The following TBXAS1 variants were observed in gnomAD, a reference collection of about 807,000 sequenced individuals.
TBXAS1 encodes thromboxane-A synthase.
TBXAS1 carries 48 observed loss-of-function variants against 60.7 expected under a neutral mutation model. That is an observed-to-expected ratio of 0.79 (90% CI 0.63 to 1.01). TBXAS1 has a LOEUF of 1.01. Among genes scored for constraint, TBXAS1 ranks in the 50% least tolerant of loss-of-function variants. The pLI, the probability that TBXAS1 is intolerant of heterozygous loss-of-function variation, is 0.00. For synonymous variants in TBXAS1, 287 were observed against 269.7 expected (o/e 1.06, Z -0.63); for missense variants, 685 against 686.3 (o/e 1.00, Z 0.02).
intron 4 of TBXAS1, among the ~76,000 whole-genome samples, chr7:139,927,160 ATT>A (rs58381325): frequency 2.0e-4 from 26 of 129,602 alleles, no homozygotes; most frequent in African/African-American, 6.1e-4. Flanking sequence ...ACGCCCGGCT[ATT>A]TTTTTTTTTT....
chr7:139,863,699 A>G (rs1569503451), intron 1 of TBXAS1, among the ~76,000 whole-genome samples: 2 of 152,230 alleles, frequency 1.3e-5, no homozygotes, highest in Non-Finnish European at 2.9e-5. Flanking sequence ...ATAACTTAAG[A>G]AGTTAAAAGA....
rs1012818869 is a variant in TBXAS1, at chr7:139,884,587, T to C, written c.236+8950T>C. ...CAGCTTCCTGCTAAACTTCCTGCTGTGGGTGAAGGGCAGCGTTTAAAGAGT... is the reference window on the plus strand; with the variant it reads ...CAGCTTCCTGCTAAACTTCCTGCTGCGGGTGAAGGGCAGCGTTTAAAGAGT... On this transcript the variant is annotated intron_variant, in intron 3 of 12. Coordinates refer to ENST00000448866, the MANE Select transcript of TBXAS1 (RefSeq NM_001061.7). Among the ~76,000 whole-genome samples the C allele has an allele frequency of 2.0e-5, 3 of 152,022 alleles. No homozygotes were observed. The East Asian group carries it at 5.8e-4, about 29-fold the overall frequency.
chr7:139,858,930 G>A (rs542436561), intron 1 of TBXAS1, among the ~76,000 whole-genome samples: 18 of 151,988 alleles, frequency 1.2e-4, no homozygotes, highest in Non-Finnish European at 2.4e-4. Context: ...GTGCAATGGC[G>A]TGATCTTGGC....
intron 4 of TBXAS1, among the ~76,000 whole-genome samples, chr7:139,793,633 G>A (rs1342464234): frequency 1.3e-5 from 2 of 152,172 alleles, no homozygotes; most frequent in African/African-American, 4.8e-5. Context: ...TGCTGAAAGA[G>A]TCAAAGAAAG....
chr7:140,007,539 A>T (rs1814189688), intron 10 of TBXAS1, among the ~76,000 whole-genome samples: 1 of 151,954 alleles, frequency 6.6e-6, no homozygotes, highest in Admixed American at 6.6e-5. Context: ...TTGAGCATCT[A>T]CTCTGTGCCA....
chr7:139,860,811 A>G (rs1164683094), intron 1 of TBXAS1, among the ~76,000 whole-genome samples: 1 of 152,238 alleles, frequency 6.6e-6, no homozygotes, highest in Non-Finnish European at 1.5e-5. Flanking sequence ...TAAATCCCTC[A>G]GCTTGTGGCT....
intron 10 of TBXAS1, among the ~76,000 whole-genome samples, chr7:140,010,398 C>A (rs1814517080): frequency 1.3e-5 from 2 of 152,228 alleles, no homozygotes; most frequent in Non-Finnish European, 2.9e-5. Context: ...GCAGCCCTGT[C>A]TGAGCGCCAC....
At chr7:139,831,045 C>T (rs1207241148) in intron 1 of TBXAS1, among the ~76,000 whole-genome samples, 1 of 151,842 alleles carries the variant, frequency 6.6e-6, no homozygotes, top group Non-Finnish European at 1.5e-5. Context: ...ATGTACCAAG[C>T]AGAAGTGGTA....
At chr7:139,981,171 G>A (rs1038583444) in intron 9 of TBXAS1, among the ~76,000 whole-genome samples, 1 of 152,092 alleles carries the variant, frequency 6.6e-6, no homozygotes, top group Non-Finnish European at 1.5e-5. Flanking sequence ...GCAGTGGCGC[G>A]ATCTCGGCTC....
chr7:139,917,596 C>T (rs193260006), intron 4 of TBXAS1, among the ~76,000 whole-genome samples: 2 of 152,354 alleles, frequency 1.3e-5, no homozygotes, highest in African/African-American at 4.8e-5. Context: ...CAGTACAACA[C>T]ACTGAGCTTC....
intron 4 of TBXAS1, among the ~76,000 whole-genome samples, chr7:139,803,634 GA>G (rs1315012028): frequency 5.5e-4 from 83 of 152,218 alleles, no homozygotes; most frequent in Admixed American, 1.6e-3. Context: ...GGTCTAGGGG[GA>G]AAAAATGGTT....
chr7:139,968,280 T>C (rs1409119457), intron 9 of TBXAS1, among the ~76,000 whole-genome samples: 2 of 152,114 alleles, frequency 1.3e-5, no homozygotes, highest in African/African-American at 2.4e-5. Flanking sequence ...ATCCACTTTT[T>C]TGTTTGTTTT....
chr7:139,979,061 G>C (rs1205251951), intron 9 of TBXAS1, among the ~76,000 whole-genome samples: 1 of 152,228 alleles, frequency 6.6e-6, no homozygotes, highest in Non-Finnish European at 1.5e-5. Flanking sequence ...TCTGGCTCCA[G>C]AGCTCCTGGG....
chr7:139,865,728 G>A (rs1369487062), intron 1 of TBXAS1, among the ~76,000 whole-genome samples: 1 of 134,122 alleles, frequency 7.5e-6, no homozygotes, highest in Non-Finnish European at 1.6e-5. Flanking sequence ...AGGAGGAGGA[G>A]GAAGAGGAGG....
At position 140,017,746 on chromosome 7, in the gene TBXAS1, C is replaced by T. The variant is rs1190888588; in HGVS notation, c.1440C>T (p.Leu480=). The change falls in exon 12 of 13, where the codon CTC becomes CTT. Residue 480 remains leucine, a synonymous_variant. Coordinates refer to ENST00000448866, the MANE Select transcript of TBXAS1 (RefSeq NM_001061.7). ...LPFGAGPRSC[L]GVRLGLLEVK... Reference sequence around the variant, plus strand: ...TCGGGGCCGGCCCACGGAGCTGCCTCGGGGTGCGTCTAGGGCTGCTTGAGG... The same window carrying T: ...TCGGGGCCGGCCCACGGAGCTGCCTTGGGGTGCGTCTAGGGCTGCTTGAGG... 10 of 1,614,062 alleles carry T rather than the reference C, an allele frequency of 6.2e-6. No individual in the cohort carries two copies. Among genetic ancestry groups the T allele is most frequent in the African/African-American group, 5.3e-5 (4 of 75,038 alleles).
chr7:139,808,283 A>G (rs1797928984), intron 4 of TBXAS1, among the ~76,000 whole-genome samples: 1 of 152,068 alleles, frequency 6.6e-6, no homozygotes, highest in Non-Finnish European at 1.5e-5. Flanking sequence ...GATTGTGGTG[A>G]GCTGAGATCA....
At chr7:139,911,357 GA>G in intron 4 of TBXAS1, 36 bp downstream of exon 4, 1 of 1,563,704 alleles carries the variant, frequency 6.4e-7, no homozygotes, top group Non-Finnish European at 8.8e-7. Context: ...GATGGATGGG[GA>G]ATTGTTCTCA....
At chr7:139,962,311 T>A (rs1810437878) in intron 9 of TBXAS1, 78 bp downstream of exon 9, 1 of 1,529,636 alleles carries the variant, frequency 6.5e-7, no homozygotes. Context: ...GTGAAACTTA[T>A]TTTTAATGAC....
At chr7:139,924,799 T>G (rs1481257041) in intron 4 of TBXAS1, among the ~76,000 whole-genome samples, 2 of 152,230 alleles carry the variant, frequency 1.3e-5, no homozygotes, top group Non-Finnish European at 2.9e-5. Flanking sequence ...GGACTCAGAT[T>G]TAAGTCTTTA....
Sources: gnomAD v4.1 joint callset for allele counts (sites outside exome capture counted in the v4.1 genomes callset) on GRCh38, gnomAD v4.1.1 for gene constraint, MANE v1.5 for transcripts, NCBI Gene and HGNC (gene_info 2026-07-23, HGNC 2026-07-21) for gene names.